Variants in STPG4 observed in about 807,000 individuals in gnomAD.
STPG4 encodes the protein protein STPG4.
Under a neutral mutation model 31.5 loss-of-function variants are expected in STPG4, and 41 were observed. The ratio of observed to expected loss-of-function variants is 1.30; its 90% CI spans 1.01 to 1.69. STPG4 has a LOEUF of 1.69. Ranked by LOEUF, STPG4 falls within the 40% of genes most tolerant of loss-of-function variation. The pLI is 0.00. For synonymous variants in STPG4, 141 were observed against 103.0 expected (o/e 1.37, Z -2.24); for missense variants, 375 against 293.4 (o/e 1.28, Z -2.03).
intron 5 of STPG4, among the ~76,000 whole-genome samples, chr2:47,091,345 G>C (rs1189882041): frequency 2.6e-5 from 4 of 152,176 alleles, no homozygotes; most frequent in Non-Finnish European, 5.9e-5. Flanking sequence ...AAAGAAGAAA[G>C]GAGAGTGGTT....
chr2:47,102,439 G>A (rs986818771), intron 5 of STPG4, among the ~76,000 whole-genome samples: 16 of 151,806 alleles, frequency 1.1e-4, no homozygotes, highest in African/African-American at 1.7e-4. Flanking sequence ...TCTCTCTGAT[G>A]GGGAAAAATG....
intron 3 of STPG4, among the ~76,000 whole-genome samples, chr2:47,143,285 C>T (rs1041790248): frequency 3.9e-5 from 6 of 152,098 alleles, no homozygotes; most frequent in South Asian, 2.1e-4. Flanking sequence ...ATATAAACAA[C>T]GTGTGAGAGT....
At chr2:47,148,045 G>A (rs537980269) in intron 3 of STPG4, among the ~76,000 whole-genome samples, 71 of 151,084 alleles carry the variant, frequency 4.7e-4, no homozygotes, top group South Asian at 3.8e-3. Context: ...TCTACCTCCC[G>A]GGTTCAAGCA....
intron 6 of STPG4, among the ~76,000 whole-genome samples, chr2:47,088,826 T>C (rs1375417134): frequency 6.6e-6 from 1 of 152,098 alleles, no homozygotes; most frequent in Admixed American, 6.5e-5. Flanking sequence ...TAGCCAAACG[T>C]CAAAGGAAGC....
intron 5 of STPG4, among the ~76,000 whole-genome samples, chr2:47,112,233 C>T (rs1052530443): frequency 6.6e-6 from 1 of 152,170 alleles, no homozygotes; most frequent in Non-Finnish European, 1.5e-5. Context: ...GTGGCATGAT[C>T]TCCGCTCACT....
chr2:47,127,418 A>G (rs1686388369), intron 5 of STPG4, among the ~76,000 whole-genome samples: 1 of 151,878 alleles, frequency 6.6e-6, no homozygotes, highest in South Asian at 2.1e-4. Flanking sequence ...ACAGGTGTGC[A>G]CCACCACACT....
At chr2:47,152,058 C>T (rs187341360) in intron 2 of STPG4, among the ~76,000 whole-genome samples, 176 of 152,164 alleles carry the variant, frequency 1.2e-3, no homozygotes, top group African/African-American at 3.8e-3. Context: ...CCACCAGGCC[C>T]GGCCGAAATT....
rs544408184 is a variant in STPG4, at chr2:47,133,339, A to T, written c.400-3079T>A. Among the ~76,000 whole-genome samples the T allele has an allele frequency of 2.9e-4, 44 of 151,042 alleles. No individual in the cohort carries two copies. In the South Asian group the frequency reaches 6.1e-3, roughly 21 times the overall value. On this transcript the variant is annotated intron_variant, in intron 3 of 6. Transcript: ENST00000445927. Reference sequence around the variant, plus strand: ...GTGCAACCACACCTAGCTATTTTTTAAAATTATTGTAGAGTTGAGATCTCA... The same window carrying T: ...GTGCAACCACACCTAGCTATTTTTTTAAATTATTGTAGAGTTGAGATCTCA...
chr2:47,115,652 C>CTTTTTT (rs70940657), intron 5 of STPG4, among the ~76,000 whole-genome samples: 18 of 113,320 alleles, frequency 1.6e-4, no homozygotes, highest in South Asian at 2.8e-4. Context: ...ACATTAAAGG[C>CTTTTTT]TTTTTTTTTT....
intron 5 of STPG4, among the ~76,000 whole-genome samples, chr2:47,121,342 A>G (rs1263882167): frequency 6.6e-6 from 1 of 152,076 alleles, no homozygotes; most frequent in Non-Finnish European, 1.5e-5. Context: ...TGAAAACTGG[A>G]ATTAAGTGAA....
intron 5 of STPG4, among the ~76,000 whole-genome samples, chr2:47,098,305 C>T (rs994198263): frequency 4.6e-5 from 7 of 152,216 alleles, no homozygotes; most frequent in Non-Finnish European, 8.8e-5. Context: ...TACTTCACAG[C>T]ATTCTTTCAT....
rs1005742081 is a variant in STPG4, at chr2:47,101,766, T to C, written c.520-11392A>G. Among the ~76,000 whole-genome samples, 5 of 151,916 alleles carry C rather than the reference T, an allele frequency of 3.3e-5. 1 individual carries two copies. In the East Asian group the frequency reaches 5.8e-4, roughly 18 times the overall value. ...GCTAGGATATGGGGAGCCTCAGAAA[T>C]TGTATCCTTCCTATTCATGAGCAAA... On this transcript the variant is annotated intron_variant, in intron 5 of 6. Transcript: ENST00000445927.
intron 5 of STPG4, among the ~76,000 whole-genome samples, chr2:47,093,992 T>C (rs13018606): frequency 0.4 from 60,212 of 152,102 alleles, 13,073 homozygotes; most frequent in Middle Eastern, 0.54. Flanking sequence ...GTGCCATTTC[T>C]GAACCCAGTT....
rs142499863 is a variant in STPG4, at chr2:47,135,732, T to G, written c.400-5472A>C. 4.7e-3 allele frequency among the ~76,000 whole-genome samples: 715 copies of G among 152,286 alleles called. 5 individuals carry two copies. Among genetic ancestry groups the G allele is most frequent in the African/African-American group, 0.016 (676 of 41,548 alleles). On this transcript the variant is annotated intron_variant, in intron 3 of 6. Transcript: ENST00000445927. ...TATCCAGTTGTTCCAGCACCATTTGTTGAAAAAACTATCTTTTCTTTGTTG... is the reference window on the plus strand; with the variant it reads ...TATCCAGTTGTTCCAGCACCATTTGGTGAAAAAACTATCTTTTCTTTGTTG...
intron 5 of STPG4, among the ~76,000 whole-genome samples, chr2:47,128,472 T>C (rs1340939938): frequency 6.6e-6 from 1 of 152,084 alleles, no homozygotes; most frequent in African/African-American, 2.4e-5. Flanking sequence ...TAGGAATTTA[T>C]TGGGTACTCT....
chr2:47,144,276 C>T (rs1489877492), intron 3 of STPG4, among the ~76,000 whole-genome samples: 2 of 152,224 alleles, frequency 1.3e-5, no homozygotes, highest in Non-Finnish European at 2.9e-5. Context: ...TCTCGAAAGA[C>T]ACAGACTTCA....
intron 5 of STPG4, among the ~76,000 whole-genome samples, chr2:47,093,927 A>T (rs1010529561): frequency 6.6e-6 from 1 of 152,252 alleles, no homozygotes; most frequent in Non-Finnish European, 1.5e-5. Context: ...GCTCTAGCAG[A>T]GTCCCCACTG....
intron 5 of STPG4, 171 bp downstream of exon 5, chr2:47,129,770 T>C: frequency 2.7e-6 from 2 of 739,622 alleles, no homozygotes; most frequent in South Asian, 4.6e-5. Flanking sequence ...ACTTGCTTTT[T>C]GGTTCTTACA....
Position 47,087,044 on chromosome 2 carries a change from G to T in STPG4, c.711C>A (p.Ser237Arg), listed in dbSNP as rs1297732792. 1 of 1,551,774 alleles carries T rather than the reference G, an allele frequency of 6.4e-7. No individual in the cohort carries two copies. Residue 237 changes from serine to arginine, a missense_variant, in exon 7 of 7, where the codon AGC becomes AGA. Ser to Arg is a moderately radical substitution (Grantham distance 110, BLOSUM62 -1). Coordinates refer to ENST00000445927, the MANE Select transcript of STPG4 (RefSeq NM_001163561.2). ...GCCAATTGTTGTTGTTGAAGAAAAG[G>T]CTATGCTCTTGGCCCATTTTGGCTA... ...PTIAKMGQEH[S>R]LFFNNNNWLL...
Sources: gnomAD v4.1 joint callset for allele counts (sites outside exome capture counted in the v4.1 genomes callset) on GRCh38, gnomAD v4.1.1 for gene constraint, MANE v1.5 for transcripts, NCBI Gene and HGNC (gene_info 2026-07-23, HGNC 2026-07-21) for gene names.